The following MROH9 variants were observed in gnomAD, a reference collection of about 807,000 sequenced individuals.
The protein encoded by MROH9 is maestro heat like repeat family member 9, also known as maestro heat-like repeat-containing protein family member 9.
A neutral mutation model predicts 98.2 loss-of-function variants in MROH9; 92 were observed. The ratio of observed to expected loss-of-function variants is 0.94; its 90% CI spans 0.79 to 1.11. The LOEUF (loss-of-function observed/expected upper bound fraction) is 1.11. MROH9 is among the 50% of genes most tolerant of loss of function. The pLI, the probability that MROH9 is intolerant of heterozygous loss-of-function variation, is 0.00. For synonymous variants in MROH9, 397 were observed against 368.9 expected (o/e 1.08, Z -0.87); for missense variants, 1,057 against 1,014.8 (o/e 1.04, Z -0.57).
At chr1:170,981,225 C>A (rs1292309246) in intron 8 of MROH9, among the ~76,000 whole-genome samples, 1 of 152,092 alleles carries the variant, frequency 6.6e-6, no homozygotes. Flanking sequence ...GGTTCTAGAG[C>A]CAGAATACCA....
intron 3 of MROH9, among the ~76,000 whole-genome samples, chr1:170,957,809 TGTTTGTTTG>T (rs1395143474): frequency 0.022 from 2,900 of 133,168 alleles, 94 homozygotes; most frequent in Non-Finnish European, 0.036. Flanking sequence ...TTTTTTTTTT[TGTTTGTTTG>T]TTTTTTTTGA....
chr1:170,974,308 T>C (rs1322924933), intron 8 of MROH9, among the ~76,000 whole-genome samples: 3 of 151,832 alleles, frequency 2.0e-5, no homozygotes, highest in Admixed American at 6.6e-5. Flanking sequence ...ACTCACACAC[T>C]GAAAAGCTCA....
intron 16 of MROH9, among the ~76,000 whole-genome samples, chr1:171,015,918 G>T (rs990279057): frequency 2.6e-5 from 4 of 152,122 alleles, no homozygotes; most frequent in Non-Finnish European, 5.9e-5. Flanking sequence ...TGTAGCGAAA[G>T]AATTAGGGAG....
Position 170,992,377 on chromosome 1 carries a change from T to C in MROH9, c.1194+48T>C, listed in dbSNP as rs1396893323. The C allele has an allele frequency of 3.2e-6, 5 of 1,569,004 alleles. No homozygotes were observed. In the South Asian group the frequency reaches 4.8e-5, roughly 15 times the overall value. On this transcript the variant is annotated intron_variant, in intron 12 of 21. Coordinates refer to ENST00000367759, the MANE Select transcript of MROH9 (RefSeq NM_001163629.2). The stretch of plus-strand genomic sequence containing the variant: ...CTTCTTCTCAGTACTGTTTTCCTGA[T>C]TGTGAAAATCCCTATCTGCCCACAG...
chr1:170,970,735 A>T (rs150535081), intron 7 of MROH9, among the ~76,000 whole-genome samples: 26,225 of 116,682 alleles, frequency 0.22, 2,609 homozygotes, highest in African/African-American at 0.31. Flanking sequence ...TGTGTGTGAG[A>T]GAGAGAGAGA....
In MROH9 at chr1:170,937,803, G is replaced by A. The variant is rs375171231; in HGVS notation, c.-38+2216G>A. Among the ~76,000 whole-genome samples, 45 of 152,242 alleles carry A rather than the reference G, an allele frequency of 3.0e-4. 1 individual carries two copies. The East Asian group carries it at 7.4e-3, about 25-fold the overall frequency. ...CTCCCAAAGTGCTGGGATTACAGGC[G>A]TGAGCCACCGCGCCCGGCCCATAAT... On this transcript the variant is annotated intron_variant, in intron 1 of 21. Transcript: ENST00000367759.
At chr1:170,983,644 T>A in intron 9 of MROH9, 110 bp downstream of exon 9, 1 of 661,884 alleles carries the variant, frequency 1.5e-6, no homozygotes. Flanking sequence ...CGTTTTTTTT[T>A]AAACTCAGTG....
intron 5 of MROH9, 125 bp from the exon 6 acceptor site, chr1:170,961,765 T>A: frequency 2.3e-6 from 1 of 440,758 alleles, no homozygotes; most frequent in Non-Finnish European, 4.1e-6. Context: ...ATTTTCTGTG[T>A]CACTGATTTA....
At chr1:171,058,247 C>T (rs1314194839) in intron 20 of MROH9, among the ~76,000 whole-genome samples, 1 of 148,046 alleles carries the variant, frequency 6.8e-6, no homozygotes, top group Non-Finnish European at 1.5e-5. Context: ...ACAATCACTA[C>T]AAAGAGAATA....
chr1:170,974,609 T>C (rs1203616396), intron 8 of MROH9, among the ~76,000 whole-genome samples: 1 of 152,058 alleles, frequency 6.6e-6, no homozygotes, highest in Non-Finnish European at 1.5e-5. Flanking sequence ...ATTTTAGATA[T>C]ACAAGAGTTG....
At chr1:171,001,160 A>G (rs1412712447) in intron 15 of MROH9, among the ~76,000 whole-genome samples, 1 of 152,018 alleles carries the variant, frequency 6.6e-6, no homozygotes, top group Non-Finnish European at 1.5e-5. Context: ...CTAATCGTCT[A>G]TCAATTTTAT....
At chr1:170,970,950 A>G (rs1571461999) in intron 7 of MROH9, among the ~76,000 whole-genome samples, 4 of 152,322 alleles carry the variant, frequency 2.6e-5, no homozygotes, top group African/African-American at 7.2e-5. Flanking sequence ...GGCAAGAACT[A>G]TCTGCAAGTC....
intron 3 of MROH9, among the ~76,000 whole-genome samples, chr1:170,952,363 A>G (rs1406913585): frequency 9.2e-5 from 14 of 152,170 alleles, no homozygotes; most frequent in South Asian, 4.2e-4. Context: ...ATGTCCATCA[A>G]TGATAGACTG....
intron 20 of MROH9, among the ~76,000 whole-genome samples, chr1:171,035,531 A>G (rs1462961541): frequency 6.6e-6 from 1 of 152,056 alleles, no homozygotes; most frequent in East Asian, 1.9e-4. Flanking sequence ...TTTACAACAC[A>G]TATATCTGGC....
chr1:170,952,385 T>C (rs1444429124), intron 3 of MROH9, among the ~76,000 whole-genome samples: 2 of 151,874 alleles, frequency 1.3e-5, no homozygotes, highest in Non-Finnish European at 1.5e-5. Flanking sequence ...ATTAAGAAAA[T>C]GTGGCACATA....
At chr1:171,049,025 A>C (rs1377472387) in intron 20 of MROH9, among the ~76,000 whole-genome samples, 3 of 152,256 alleles carry the variant, frequency 2.0e-5, no homozygotes, top group Non-Finnish European at 1.5e-5. Flanking sequence ...CCAACATGCA[A>C]GACAAAGCCC....
chr1:170,978,521 T>G (rs932520796), intron 8 of MROH9, among the ~76,000 whole-genome samples: 6 of 152,078 alleles, frequency 3.9e-5, no homozygotes, highest in African/African-American at 9.7e-5. Context: ...AGGGCTAGAC[T>G]CCTTTTCCTT....
chr1:171,036,887 A>G (rs1425166769), intron 20 of MROH9, among the ~76,000 whole-genome samples: 1 of 151,842 alleles, frequency 6.6e-6, no homozygotes, highest in Non-Finnish European at 1.5e-5. Context: ...CTACTAAAAC[A>G]TTATTTGGGA....
chr1:170,998,792 C>A, intron 15 of MROH9: 1 of 942,450 alleles, frequency 1.1e-6, no homozygotes, highest in Non-Finnish European at 1.3e-6. Context: ...AAAATAAAGG[C>A]TTTATAACCT....
Sources: allele counts gnomAD v4.1 joint callset (sites outside exome capture counted in the v4.1 genomes callset), GRCh38; gene constraint gnomAD v4.1.1; transcripts MANE v1.5; gene names NCBI Gene and HGNC (gene_info 2026-07-23, HGNC 2026-07-21).